Variants in MAP2K6 observed in about 807,000 individuals in gnomAD.
MAP2K6 encodes mitogen-activated protein kinase kinase 6.
A neutral mutation model predicts 53.7 loss-of-function variants in MAP2K6; 16 were observed. That is an observed-to-expected ratio of 0.30 (90% CI 0.20 to 0.45). The LOEUF is 0.45. Among genes scored for constraint, MAP2K6 ranks in the 20% least tolerant of loss-of-function variants. MAP2K6 has a pLI of 1.00. For missense variants in MAP2K6, 204 were observed against 411.9 expected, an observed-to-expected ratio of 0.50 and a Z score of 4.37; for synonymous variants, 132 against 143.1, an observed-to-expected ratio of 0.92 and a Z score of 0.55.
chr17:69,414,870 C>A lies in MAP2K6; in HGVS notation c.-115C>A. 1.1e-6 allele frequency: 1 copy of A among 901,914 alleles called. No individual in the cohort carries two copies. 55.9% of individuals were successfully genotyped at this position (901,914 alleles called of 1,614,324 possible). A position where few individuals can be genotyped will look rare whatever the true frequency, so the allele number is the denominator to read the frequency against. On this transcript the variant is annotated 5_prime_UTR_variant, in exon 1 of 12. Coordinates refer to ENST00000590474, the MANE Select transcript of MAP2K6 (RefSeq NM_002758.4). ...CTGCTGCATCGGTCAAGAGAAACTC[C>A]ACTTGCATGAAGATTGCACGCCTGC...
intron 1 of MAP2K6, among the ~76,000 whole-genome samples, chr17:69,467,855 AC>A (rs2145177822): frequency 6.6e-6 from 1 of 152,134 alleles, no homozygotes; most frequent in South Asian, 2.1e-4. Flanking sequence ...CACTGCAACA[AC>A]CCAGGTTCAA....
At chr17:69,539,903 T>C (rs1911530607) in intron 11 of MAP2K6, among the ~76,000 whole-genome samples, 1 of 152,192 alleles carries the variant, frequency 6.6e-6, no homozygotes, top group African/African-American at 2.4e-5. Context: ...GAAGTATGGC[T>C]GCTATTTAGT....
At chr17:69,499,346 A>T (rs889993553) in intron 1 of MAP2K6, among the ~76,000 whole-genome samples, 1 of 152,220 alleles carries the variant, frequency 6.6e-6, no homozygotes, top group Non-Finnish European at 1.5e-5. Flanking sequence ...CACCTATATT[A>T]TGCTACACCC....
At chr17:69,458,001 C>T (rs1338385672) in intron 1 of MAP2K6, among the ~76,000 whole-genome samples, 1 of 152,030 alleles carries the variant, frequency 6.6e-6, no homozygotes, top group Non-Finnish European at 1.5e-5. Context: ...TAAGGGAGTC[C>T]TAACAAAATT....
chr17:69,437,998 T>C (rs1019433291), intron 1 of MAP2K6, among the ~76,000 whole-genome samples: 3 of 152,254 alleles, frequency 2.0e-5, no homozygotes, highest in African/African-American at 7.2e-5. Flanking sequence ...ACCTAGTATC[T>C]GGAGAGCCGC....
intron 1 of MAP2K6, chr17:69,504,496 C>G (rs1164014401): frequency 6.6e-6 from 1 of 152,254 alleles, no homozygotes; most frequent in East Asian, 1.9e-4. Flanking sequence ...AGGATGGTCT[C>G]CATCTCCTGA....
intron 10 of MAP2K6, 95 bp downstream of exon 10, chr17:69,526,804 T>C (rs1910798333): frequency 5.6e-6 from 8 of 1,421,892 alleles, no homozygotes; most frequent in Non-Finnish European, 6.6e-6. Context: ...ATGCATACAT[T>C]CATTCCGAAA....
chr17:69,531,917 C>T (rs573164396), intron 10 of MAP2K6, among the ~76,000 whole-genome samples: 40 of 152,100 alleles, frequency 2.6e-4, no homozygotes, highest in Admixed American at 7.9e-4. Context: ...GGTTAACAAA[C>T]GAGTTCGCAA....
chr17:69,450,911 C>A (rs140301611), intron 1 of MAP2K6, among the ~76,000 whole-genome samples: 114 of 152,228 alleles, frequency 7.5e-4, no homozygotes, highest in African/African-American at 2.6e-3. Context: ...GAGGGTTCTG[C>A]TTCACCTTTG....
At chr17:69,442,439 C>A (rs886089608) in intron 1 of MAP2K6, among the ~76,000 whole-genome samples, 1 of 152,218 alleles carries the variant, frequency 6.6e-6, no homozygotes, top group African/African-American at 2.4e-5. Flanking sequence ...CCACTTCATA[C>A]TTGATAACTA....
intron 2 of MAP2K6, among the ~76,000 whole-genome samples, chr17:69,512,142 C>T (rs2145237477): frequency 6.6e-6 from 1 of 150,724 alleles, no homozygotes; most frequent in East Asian, 2.0e-4. Context: ...GGTGGAAGAA[C>T]TGGCATATAA....
rs141989057 is a variant in MAP2K6 at position 69,425,723 on chromosome 17, G to A, written c.16+10723G>A. Reference sequence around the variant, plus strand: ...CGAAGCTGCGGAAATAGATGGTCTGGTTGTTGAGTGACAAGTTATTTATTC... The same window carrying A: ...CGAAGCTGCGGAAATAGATGGTCTGATTGTTGAGTGACAAGTTATTTATTC... On this transcript the variant is annotated intron_variant, in intron 1 of 11. Coordinates refer to ENST00000590474, the MANE Select transcript of MAP2K6 (RefSeq NM_002758.4). 4.1e-3 allele frequency among the ~76,000 whole-genome samples: 626 copies of A among 152,290 alleles called. 4 individuals are homozygous for A. Among genetic ancestry groups the A allele is most frequent in the African/African-American group, 0.014 (578 of 41,558 alleles).
intron 1 of MAP2K6, among the ~76,000 whole-genome samples, chr17:69,418,570 T>C (rs1185105050): frequency 2.0e-5 from 3 of 152,202 alleles, no homozygotes; most frequent in Non-Finnish European, 4.4e-5. Flanking sequence ...CCAAAATGTG[T>C]GTAAAACTAA....
chr17:69,448,629 A>C (rs1598266308), intron 1 of MAP2K6, among the ~76,000 whole-genome samples: 2 of 146,114 alleles, frequency 1.4e-5, no homozygotes, highest in Non-Finnish European at 1.5e-5. Flanking sequence ...CCACATCTCC[A>C]CTCTTGACCC....
rs776350650 is a variant in MAP2K6 at position 69,544,981 on chromosome 17, G to A, written c.*3228G>A. 7 of 152,184 alleles carry A rather than the reference G, an allele frequency of 4.6e-5. No homozygotes were observed. Among genetic ancestry groups the A allele is most frequent in the Non-Finnish European group, 8.8e-5 (6 of 68,026 alleles). The allele number at this position is 152,184 out of a possible 1,614,324, so 9.4% of individuals were successfully genotyped here. ...CTTTTTACAAAAATCCTTAGCAGATGTTTCCCTCTTTGATTTACCTGCCTT... is the reference window on the plus strand; with the variant it reads ...CTTTTTACAAAAATCCTTAGCAGATATTTCCCTCTTTGATTTACCTGCCTT... On this transcript the variant is annotated 3_prime_UTR_variant, in exon 12 of 12. Transcript: ENST00000590474.
At chr17:69,416,302 A>G (rs952369535) in intron 1 of MAP2K6, among the ~76,000 whole-genome samples, 1 of 152,154 alleles carries the variant, frequency 6.6e-6, no homozygotes, top group Non-Finnish European at 1.5e-5. Flanking sequence ...TCAAAGTAGC[A>G]CTCTGCTTTT....
chr17:69,454,443 A>G lies in MAP2K6; in HGVS notation c.16+39443A>G, dbSNP rs1907333157. Among the ~76,000 whole-genome samples, 4 of 152,106 alleles carry G rather than the reference A, an allele frequency of 2.6e-5. No individual in the cohort carries two copies. In the South Asian group the frequency reaches 8.3e-4, roughly 32 times the overall value. On this transcript the variant is annotated intron_variant, in intron 1 of 11. Transcript: ENST00000590474. The stretch of plus-strand genomic sequence containing the variant: ...TCTGTTGCCCAGGCTGGAGTGCAGT[A>G]GTACAATCTGGGCTCACTGCAACCT...
chr17:69,425,110 C>T (rs915026023), intron 1 of MAP2K6, among the ~76,000 whole-genome samples: 2 of 151,974 alleles, frequency 1.3e-5, no homozygotes, highest in Non-Finnish European at 2.9e-5. Context: ...ATTTTGCAGC[C>T]CCTTTTTGGC....
intron 1 of MAP2K6, among the ~76,000 whole-genome samples, chr17:69,499,449 A>G (rs188968326): frequency 6.6e-6 from 1 of 152,362 alleles, no homozygotes; most frequent in Non-Finnish European, 1.5e-5. Flanking sequence ...GTGGAAACTC[A>G]GTTTAAGATA....
Sources: gnomAD v4.1 joint callset for allele counts (sites outside exome capture counted in the v4.1 genomes callset) on GRCh38, gnomAD v4.1.1 for gene constraint, MANE v1.5 for transcripts, NCBI Gene and HGNC (gene_info 2026-07-23, HGNC 2026-07-21) for gene names.